The following ATP11B variants were observed in gnomAD, a reference collection of about 807,000 sequenced individuals.
The protein encoded by ATP11B is ATPase phospholipid transporting 11B (putative), also known as phospholipid-transporting ATPase IF.
In ATP11B, 81 loss-of-function variants were observed where a neutral mutation model predicts 157.8. That is an observed-to-expected ratio of 0.51 (90% CI 0.43 to 0.62). The LOEUF is 0.62. Ranked by LOEUF, ATP11B falls within the 20% of genes least tolerant of loss-of-function variation. The pLI, the probability that ATP11B is intolerant of heterozygous loss-of-function variation, is 0.00. For synonymous variants in ATP11B, 451 were observed against 469.4 expected (o/e 0.96, Z 0.51); for missense variants, 1,165 against 1,402.2 (o/e 0.83, Z 2.70).
At chr3:182,869,545 G>T (rs912893122) in intron 17 of ATP11B, among the ~76,000 whole-genome samples, 2 of 152,112 alleles carry the variant, frequency 1.3e-5, no homozygotes, top group Admixed American at 6.5e-5. Context: ...GGCATTTCTG[G>T]TTACAAGGTC....
At chr3:182,810,436 T>A (rs1477129219) in intron 1 of ATP11B, among the ~76,000 whole-genome samples, 1 of 152,206 alleles carries the variant, frequency 6.6e-6, no homozygotes, top group Admixed American at 6.5e-5. Context: ...AGTTTAGGAT[T>A]TACTGAGTCT....
At chr3:182,832,736 G>T (rs1718247228) in intron 4 of ATP11B, among the ~76,000 whole-genome samples, 1 of 152,112 alleles carries the variant, frequency 6.6e-6, no homozygotes. Flanking sequence ...ATTGTGTAAT[G>T]CAAGATACAG....
At chr3:182,856,525 G>A (rs958672484) in intron 10 of ATP11B, among the ~76,000 whole-genome samples, 1 of 152,172 alleles carries the variant, frequency 6.6e-6, no homozygotes, top group Non-Finnish European at 1.5e-5. Context: ...TCAGACAGAT[G>A]TAGATTTGAA....
intron 8 of ATP11B, chr3:182,843,465 A>G (rs1303766253): frequency 6.6e-6 from 1 of 152,236 alleles, no homozygotes; most frequent in Non-Finnish European, 1.5e-5. Context: ...TATAAGTGCT[A>G]TGCTCTTCTT....
At chr3:182,815,394 A>G (rs1004122355) in intron 1 of ATP11B, among the ~76,000 whole-genome samples, 1 of 152,160 alleles carries the variant, frequency 6.6e-6, no homozygotes, top group Non-Finnish European at 1.5e-5. Context: ...TAATTTATTG[A>G]AAGTTTATGT....
At chr3:182,869,391 G>T in intron 17 of ATP11B, 60 bp downstream of exon 17, 1 of 1,144,966 alleles carries the variant, frequency 8.7e-7, no homozygotes. Context: ...AAATATTTTG[G>T]ACTTTATTTC....
intron 2 of ATP11B, among the ~76,000 whole-genome samples, chr3:182,826,653 G>A (rs1302184211): frequency 3.9e-5 from 6 of 152,102 alleles, no homozygotes; most frequent in African/African-American, 1.4e-4. Flanking sequence ...ACTACTCAGG[G>A]AAAATATGTT....
chr3:182,837,490 AAAT>A (rs1718644001), intron 7 of ATP11B, among the ~76,000 whole-genome samples: 1 of 152,068 alleles, frequency 6.6e-6, no homozygotes, highest in South Asian at 2.1e-4. Context: ...TCTTAGAAGA[AAAT>A]AATGATTTTT....
intron 23 of ATP11B, among the ~76,000 whole-genome samples, chr3:182,886,753 T>A (rs1722818257): frequency 6.6e-6 from 1 of 152,158 alleles, no homozygotes; most frequent in African/African-American, 2.4e-5. Context: ...CTCAAATTGA[T>A]CAAGACACTA....
In ATP11B at chr3:182,894,295, T is replaced by C. The variant is rs117997748; in HGVS notation, c.2983-2405T>C. 3.2e-4 allele frequency among the ~76,000 whole-genome samples: 49 copies of C among 152,358 alleles called. No homozygotes were observed. The East Asian group carries it at 8.9e-3, about 28-fold the overall frequency. On this transcript the variant is annotated intron_variant, in intron 25 of 29. Transcript: ENST00000323116. ...AAACAGAGCTTCATAGAAGCAATTC[T>C]CCTGCCTCAGCCTCCCCAGTAGCTG...
At chr3:182,794,225 G>A (rs966847892) in intron 1 of ATP11B, among the ~76,000 whole-genome samples, 13 of 152,184 alleles carry the variant, frequency 8.5e-5, no homozygotes, top group Non-Finnish European at 1.5e-5. Context: ...TGAAGGGGAA[G>A]CGAAGAACCT....
At chr3:182,913,832 A>G (rs1264306420) in intron 28 of ATP11B, 29 bp from the exon 29 acceptor site, 3 of 1,613,952 alleles carry the variant, frequency 1.9e-6, no homozygotes, top group African/African-American at 2.7e-5. Flanking sequence ...TCTTTAAACA[A>G]CTGATGTTTT....
At chr3:182,916,015 G>A in intron 29 of ATP11B, 1 of 984,468 alleles carries the variant, frequency 1.0e-6, no homozygotes, top group Non-Finnish European at 1.2e-6. Context: ...TAATCTAGAA[G>A]GTCTTTTCAG....
intron 10 of ATP11B, among the ~76,000 whole-genome samples, chr3:182,853,451 C>T (rs1476353165): frequency 6.6e-6 from 1 of 152,136 alleles, no homozygotes; most frequent in East Asian, 1.9e-4. Flanking sequence ...CTTGATCCGC[C>T]TACCTCGGCC....
At chr3:182,836,244 C>T (rs922669365) in intron 5 of ATP11B, 98 bp from the exon 6 acceptor site, 19 of 1,567,242 alleles carry the variant, frequency 1.2e-5, no homozygotes, top group Non-Finnish European at 1.7e-5. Flanking sequence ...CTTTCCTATG[C>T]TAAAATACTG....
At chr3:182,895,112 C>CAAAAA (rs368282275) in intron 25 of ATP11B, among the ~76,000 whole-genome samples, 2 of 68,268 alleles carry the variant, frequency 2.9e-5, no homozygotes, top group African/African-American at 5.8e-5. Flanking sequence ...GACCCTGACT[C>CAAAAA]AAAAAAAAAA....
At chr3:182,802,134 C>A (rs932046508) in intron 1 of ATP11B, among the ~76,000 whole-genome samples, 4 of 152,126 alleles carry the variant, frequency 2.6e-5, no homozygotes, top group African/African-American at 9.7e-5. Flanking sequence ...GGGAGCAAAT[C>A]GTATCTCCCT....
Position 182,897,390 on chromosome 3 carries a change from T to C in ATP11B, c.3136T>C (p.Tyr1046His). Reference protein sequence around the residue: ...IIFYFVFSLFYGGILWPFLGS... With the variant: ...IIFYFVFSLFHGGILWPFLGS... ...ATTTTATTTTGTATTTTCCTTGTTTTATGGAGGGATTCTCTGGTGAGTGAA... is the reference window on the plus strand; with the variant it reads ...ATTTTATTTTGTATTTTCCTTGTTTCATGGAGGGATTCTCTGGTGAGTGAA... Residue 1046 changes from tyrosine (Y) to histidine (H), a missense_variant, in exon 27 of 30, where the codon TAT (tyrosine) becomes CAT (histidine). Tyr to His is a moderately conservative substitution (Grantham distance 83). Around this residue, in one of 4 missense-constraint regions of ATP11B, gnomAD observed 303 missense variants for 296.3 expected, o/e 1.02. Transcript: ENST00000323116. 6.3e-7 allele frequency: 1 copy of C among 1,577,292 alleles called. No individual in the cohort carries two copies. The highest frequency in any genetic ancestry group is 8.6e-7 in the Non-Finnish European group (1 of 1,162,922).
At chr3:182,899,179 G>A (rs1192549633) in intron 28 of ATP11B, among the ~76,000 whole-genome samples, 13 of 140,556 alleles carry the variant, frequency 9.2e-5, no homozygotes, top group African/African-American at 2.4e-4. Flanking sequence ...TTTCCGAGAC[G>A]GAGTCTTGCT....
Sources: gnomAD v4.1 joint callset for allele counts (sites outside exome capture counted in the v4.1 genomes callset) on GRCh38, gnomAD v4.1.1 for gene constraint, gnomAD v4.1.1 regional missense constraint, MANE v1.5 for transcripts, NCBI Gene and HGNC (gene_info 2026-07-23, HGNC 2026-07-21) for gene names.